Variants in NPSR1 observed in about 807,000 individuals in gnomAD.
NPSR1 encodes neuropeptide S receptor.
NPSR1 carries 48 observed loss-of-function variants against 46.9 expected under a neutral mutation model. The observed-to-expected ratio is 1.02, with a 90% confidence interval of 0.81 to 1.30. The LOEUF is 1.30. Among genes scored for constraint, NPSR1 ranks in the 50% most tolerant of loss-of-function variants. The probability of loss-of-function intolerance (pLI) is 0.00; values close to 1 mark genes in which losing one functional copy is unlikely to be tolerated. For missense variants in NPSR1, 450 were observed against 449.5 expected, an observed-to-expected ratio of 1.00 and a Z score of -0.01; for synonymous variants, 176 against 168.1, an observed-to-expected ratio of 1.05 and a Z score of -0.36.
At chr7:34,874,749 C>T (rs1791538015) in intron 8 of NPSR1, among the ~76,000 whole-genome samples, 1 of 152,116 alleles carries the variant, frequency 6.6e-6, no homozygotes, top group African/African-American at 2.4e-5. Context: ...CAGGCAAACT[C>T]TCCCTGCATG....
intron 8 of NPSR1, chr7:34,849,338 C>T (rs1234557130): frequency 6.5e-7 from 1 of 1,550,222 alleles, no homozygotes; most frequent in Non-Finnish European, 8.7e-7. Context: ...ATAGCAGTGT[C>T]TACCTGTTGG....
intron 2 of NPSR1, among the ~76,000 whole-genome samples, chr7:34,702,196 A>G (rs1253411272): frequency 1.3e-5 from 2 of 152,212 alleles, no homozygotes; most frequent in Non-Finnish European, 2.9e-5. Flanking sequence ...CCCAAATTCT[A>G]GCCAGCAGGA....
intron 3 of NPSR1, among the ~76,000 whole-genome samples, chr7:34,784,875 G>C (rs1198738390): frequency 2.7e-4 from 41 of 152,018 alleles, no homozygotes; most frequent in Non-Finnish European, 2.8e-4. Context: ...AAAAAGTCAG[G>C]AAACAACAGG....
rs762386955 is a variant in NPSR1, at chr7:34,855,328, AAAATT to A, written c.1025+6673_1025+6677del. 6.8e-4 allele frequency among the ~76,000 whole-genome samples: 103 copies of A among 152,208 alleles called. 1 individual carries two copies. Among genetic ancestry groups the A allele is most frequent in the Non-Finnish European group, 2.4e-4 (16 of 67,966 alleles). ...CAAAGATCAAATTCTGTTCTTGAAAAAAATTAAATTAATAAACCTCTGGTGAGACT... is the reference window on the plus strand; with the variant it reads ...CAAAGATCAAATTCTGTTCTTGAAAAAAATTAATAAACCTCTGGTGAGACT... On this transcript the variant is annotated intron_variant, in intron 8 of 8. Coordinates refer to the NPSR1 transcript ENST00000359791.
At chr7:34,851,773 G>A (rs914058999), downstream of NPSR1, among the ~76,000 whole-genome samples, 1 of 152,168 alleles carries the variant, frequency 6.6e-6, no homozygotes, top group Non-Finnish European at 1.5e-5. Flanking sequence ...GTGAAGGAGA[G>A]AGTGGAGTGA....
chr7:34,805,479 C>CAAAAAAAAA (rs57776086), intron 3 of NPSR1, among the ~76,000 whole-genome samples: 14 of 71,910 alleles, frequency 1.9e-4, no homozygotes, highest in Admixed American at 5.1e-4. Context: ...TATCCACATG[C>CAAAAAAAAA]AAAAAAAAAA....
chr7:34,710,563 C>T (rs1783228943), intron 2 of NPSR1, among the ~76,000 whole-genome samples: 1 of 152,008 alleles, frequency 6.6e-6, no homozygotes, highest in Non-Finnish European at 1.5e-5. Flanking sequence ...GTGGGGAAGC[C>T]ATTCTAACCT....
At chr7:34,847,416 G>A (rs1790775571) in intron 7 of NPSR1, among the ~76,000 whole-genome samples, 1 of 152,010 alleles carries the variant, frequency 6.6e-6, no homozygotes, top group African/African-American at 2.4e-5. Flanking sequence ...GAGAGAGAGA[G>A]AGAGGTTTAT....
intron 3 of NPSR1, among the ~76,000 whole-genome samples, chr7:34,803,756 GAAAA>G (rs77357385): frequency 2.9e-5 from 4 of 137,222 alleles, no homozygotes; most frequent in Non-Finnish European, 6.3e-5. Context: ...AGCATGAGTA[GAAAA>G]AAAAAAAAGA....
chr7:34,814,490 A>G (rs1789146571), intron 4 of NPSR1, among the ~76,000 whole-genome samples: 1 of 152,264 alleles, frequency 6.6e-6, no homozygotes, highest in African/African-American at 2.4e-5. Flanking sequence ...GGCAGCAGAC[A>G]GCTTCTGCAG....
chr7:34,675,382 G>A (rs1212006030), intron 1 of NPSR1, among the ~76,000 whole-genome samples: 1 of 152,210 alleles, frequency 6.6e-6, no homozygotes, highest in Non-Finnish European at 1.5e-5. Flanking sequence ...TGAAAAAGGA[G>A]ATCACTATTC....
At chr7:34,665,576 T>A (rs919494768) in intron 1 of NPSR1, among the ~76,000 whole-genome samples, 1 of 152,194 alleles carries the variant, frequency 6.6e-6, no homozygotes. Context: ...TGTCTTACCA[T>A]AGTCTGAGGA....
chr7:34,834,332 C>T (rs978077938), intron 5 of NPSR1, 52 bp from the exon 6 acceptor site: 1 of 1,402,554 alleles, frequency 7.1e-7, no homozygotes, highest in African/African-American at 1.4e-5. Flanking sequence ...TCTGTGTCCT[C>T]ACAGTAGGGA....
In NPSR1 at chr7:34,708,173, C is replaced by T. The variant is rs75985235; in HGVS notation, c.280+23489C>T. On this transcript the variant is annotated intron_variant, in intron 2 of 8. Transcript: ENST00000360581. ...GAATTTAGGGGAGATGCAATTCAGC[C>T]CATAACAAATGCCTGCTAGTAACTC... is the stretch of plus-strand genomic sequence containing the variant. Among the ~76,000 whole-genome samples, 621 of 152,176 alleles carry T rather than the reference C, an allele frequency of 4.1e-3. 2 individuals are homozygous for T. The highest frequency in any genetic ancestry group is 0.014 in the African/African-American group (596 of 41,516).
intron 6 of NPSR1, among the ~76,000 whole-genome samples, chr7:34,839,461 G>C (rs1331159853): frequency 6.6e-6 from 1 of 152,114 alleles, no homozygotes; most frequent in Non-Finnish European, 1.5e-5. Flanking sequence ...TGCGGTATTG[G>C]CACAATAGAC....
At chr7:34,717,132 T>C (rs909998356) in intron 2 of NPSR1, among the ~76,000 whole-genome samples, 1 of 152,200 alleles carries the variant, frequency 6.6e-6, no homozygotes, top group Non-Finnish European at 1.5e-5. Flanking sequence ...ATGAGTCTTT[T>C]TTGTTTGATT....
In NPSR1 at chr7:34,844,921, C is replaced by T; in HGVS notation, c.783C>T (p.Asn261=). 1.9e-6 allele frequency: 3 copies of T among 1,611,842 alleles called. No individual in the cohort carries two copies. Among genetic ancestry groups the T allele is most frequent in the Non-Finnish European group, 2.5e-6 (3 of 1,177,896 alleles). The part of the protein sequence containing the change: ...CSDGKLCSSY[N]RGLISKAKIK... ...ATGGGAAACTGTGCAGCAGCTATAA[C>T]CGAGGACTCATCTCAAAGGCAAAAA... The change falls in exon 7 of 9, where the codon AAC becomes AAT. Residue 261 remains asparagine (N), a synonymous_variant. Transcript: ENST00000360581.
chr7:34,739,065 T>A (rs1372593224), intron 2 of NPSR1, among the ~76,000 whole-genome samples: 1 of 152,214 alleles, frequency 6.6e-6, no homozygotes, highest in Non-Finnish European at 1.5e-5. Context: ...GCAGCATGTA[T>A]CAATACTTCA....
chr7:34,744,143 T>C (rs1178340809), intron 2 of NPSR1, among the ~76,000 whole-genome samples: 1 of 152,210 alleles, frequency 6.6e-6, no homozygotes, highest in Non-Finnish European at 1.5e-5. Context: ...ATTATTTTCT[T>C]ACTTTATTTA....
Sources: gnomAD v4.1 joint callset for allele counts (sites outside exome capture counted in the v4.1 genomes callset) on GRCh38, gnomAD v4.1.1 for gene constraint, MANE v1.5 for transcripts, NCBI Gene and HGNC (gene_info 2026-07-23, HGNC 2026-07-21) for gene names.